Variants in CACNA1G observed in about 807,000 individuals in gnomAD.
CACNA1G encodes the protein voltage-dependent T-type calcium channel subunit alpha-1G.
Under a neutral mutation model 219.4 loss-of-function variants are expected in CACNA1G, and 67 were observed. The ratio of observed to expected loss-of-function variants is 0.31; its 90% CI spans 0.25 to 0.37. The LOEUF (loss-of-function observed/expected upper bound fraction) is 0.37. Ranked by LOEUF, CACNA1G falls within the 10% of genes least tolerant of loss-of-function variation. The pLI is 1.00. For missense variants in CACNA1G, 2,380 were observed against 3,231.4 expected (o/e 0.74, Z 6.39); for synonymous variants, 1,296 against 1,345.3 (o/e 0.96, Z 0.80).
chr17:50,570,243 C>G (rs1567967064), intron 4 of CACNA1G, among the ~76,000 whole-genome samples: 1 of 152,218 alleles, frequency 6.6e-6, no homozygotes, highest in Non-Finnish European at 1.5e-5. Context: ...CAAGACAAGG[C>G]CACTCCATGT....
At position 50,606,926 on chromosome 17, in the gene CACNA1G, C is replaced by G; in HGVS notation, c.4449C>G (p.Ala1483=). ...GQALMSLFVL[A]SKDGWVDIMY... is the part of the protein sequence containing the mutation. ...CCCTGATGTCCCTGTTCGTTTTGGC[C>G]TCCAAGGATGGTTGGGTGGACATCA... The change falls in exon 24 of 38, where the codon GCC becomes GCG. Residue 1483 remains alanine (A), a synonymous_variant. Transcript: ENST00000359106. 6.2e-7 allele frequency: 1 copy of G among 1,613,946 alleles called. No individual in the cohort carries two copies.
chr17:50,576,070 C>T lies in CACNA1G; in HGVS notation c.1668C>T (p.Phe556=), dbSNP rs1441238392. ...PPGGAESVHS[F]YHADCHLEPV... ...GTGGCGCAGAGTCTGTGCACAGCTT[C>T]TACCATGCCGACTGCCACTTAGAGC... is the stretch of plus-strand genomic sequence containing the variant. Residue 556 remains phenylalanine (F), a synonymous_variant, in exon 8 of 38, where the codon TTC becomes TTT. Transcript: ENST00000359106. 6.3e-7 allele frequency: 1 copy of T among 1,586,052 alleles called. No individual in the cohort carries two copies. Among genetic ancestry groups the T allele is most frequent in the Non-Finnish European group, 8.6e-7 (1 of 1,167,446 alleles).
At position 50,578,077 on chromosome 17, in the gene CACNA1G, C is replaced by A; in HGVS notation, c.1925-111C>A. The A allele has an allele frequency of 7.6e-7, 1 of 1,319,950 alleles. No homozygotes were observed. The highest frequency in any genetic ancestry group is 2.5e-5 in the Admixed American group (1 of 40,432). 81.8% of individuals were successfully genotyped at this position (1,319,950 alleles called of 1,614,324 possible). A position where few individuals can be genotyped will look rare whatever the true frequency, so the allele number is the denominator to read the frequency against. ...CCTGGCCCACTAAGTGCCTAGCACC[C>A]CATCACTGTAACAACCCCAGACTCC... On this transcript the variant is annotated intron_variant, in intron 8 of 37. Transcript: ENST00000359106. This position sits in a 1 kb window ranked among gnomAD's most constrained non-coding sequence, Gnocchi z 4.5.
At chr17:50,624,557 G>T in intron 37 of CACNA1G, 28 bp downstream of exon 37, 4 of 1,547,508 alleles carry the variant, frequency 2.6e-6, no homozygotes. Flanking sequence ...GGCAGGCACA[G>T]GCCTGGGGGC....
chr17:50,609,827 C>T (rs1287685154), intron 25 of CACNA1G, 55 bp from the exon 26 acceptor site: 1 of 1,552,668 alleles, frequency 6.4e-7, no homozygotes, highest in Non-Finnish European at 8.8e-7. Flanking sequence ...CCTGAGGGGC[C>T]CTGCCCAGCG....
chr17:50,601,271 TCA>T (rs1196129641), intron 19 of CACNA1G, 97 bp downstream of exon 19: 1 of 1,465,794 alleles, frequency 6.8e-7, no homozygotes, highest in Non-Finnish European at 9.3e-7. Flanking sequence ...GACCTGCAAG[TCA>T]CACAGCAGGG....
intron 1 of CACNA1G, among the ~76,000 whole-genome samples, chr17:50,566,200 C>T (rs116729193): frequency 2.4e-3 from 360 of 152,276 alleles, no homozygotes; most frequent in African/African-American, 8.4e-3. Flanking sequence ...AAATCCACAC[C>T]ACCTGGTGAC....
intron 7 of CACNA1G, among the ~76,000 whole-genome samples, chr17:50,574,070 G>T (rs1203519059): frequency 6.6e-6 from 1 of 152,138 alleles, no homozygotes; most frequent in East Asian, 1.9e-4. Context: ...TTTAATCCTC[G>T]TCGTCCCCTG....
At chr17:50,570,400 C>A (rs1041412929) in intron 4 of CACNA1G, among the ~76,000 whole-genome samples, 1 of 152,148 alleles carries the variant, frequency 6.6e-6, no homozygotes, top group Non-Finnish European at 1.5e-5. Context: ...CATACTGCCC[C>A]CTCCCTTTGC....
chr17:50,611,778 C>T (rs1189641023), intron 26 of CACNA1G, among the ~76,000 whole-genome samples: 2 of 152,180 alleles, frequency 1.3e-5, no homozygotes, highest in African/African-American at 4.8e-5. Context: ...GACTTTTCCA[C>T]CTTGGGTGTT....
Position 50,591,541 on chromosome 17 carries a change from C to G in CACNA1G, c.2560C>G (p.Gln854Glu). ...LVRFLPALQR[Q>E]LVVLMKTMDN... ...GCGCTTCCTGCCGGCGCTGCAGCGG[C>G]AGCTGGTGGTGCTCATGAAGACCAT... The change falls in exon 11 of 38, where the codon CAG becomes GAG. Residue 854 changes from glutamine (Q) to glutamate (E), a missense_variant. By Grantham distance (29) the Gln-to-Glu change is conservative. Transcript: ENST00000359106. 6.2e-7 allele frequency: 1 copy of G among 1,612,456 alleles called. No individual in the cohort carries two copies. Among genetic ancestry groups the G allele is most frequent in the Non-Finnish European group, 8.5e-7 (1 of 1,179,452 alleles).
chr17:50,610,298 G>T (rs1429238212), intron 26 of CACNA1G, among the ~76,000 whole-genome samples: 1 of 152,206 alleles, frequency 6.6e-6, no homozygotes, highest in Non-Finnish European at 1.5e-5. Context: ...TCTGAGGGGA[G>T]ACTTTGATCC....
chr17:50,606,051 G>A (rs768546713), intron 23 of CACNA1G, 28 bp downstream of exon 23: 2 of 1,613,884 alleles, frequency 1.2e-6, no homozygotes, highest in African/African-American at 1.3e-5. Flanking sequence ...AGGTGGGGCT[G>A]TGGTGAAGGA....
chr17:50,589,521 G>T (rs906262433), intron 9 of CACNA1G, among the ~76,000 whole-genome samples: 15 of 152,232 alleles, frequency 9.9e-5, no homozygotes, highest in African/African-American at 2.9e-4. Flanking sequence ...TGTTTTTGCA[G>T]CTCCTTTAAT....
rs765191251 is a variant in CACNA1G, at chr17:50,578,304, G to A, written c.2041G>A (p.Ala681Thr). Residue 681 changes from alanine (A) to threonine (T), a missense_variant, in exon 9 of 38, where the codon GCC becomes ACC. Transcript: ENST00000359106. This position sits in a 1 kb window ranked among gnomAD's most constrained non-coding sequence, Gnocchi z 4.5. ...ARAGAGEVEL[A>T]DREMPDSDSE... The stretch of plus-strand genomic sequence containing the variant: ...GGCCGGGGCAGGGGAGGTGGAGCTC[G>A]CCGACCGTGAAATGCCTGACTCAGA... 1.6e-5 allele frequency: 26 copies of A among 1,613,006 alleles called. No individual in the cohort carries two copies. The highest frequency in any genetic ancestry group is 6.7e-5 in the East Asian group (3 of 44,894).
chr17:50,616,479 T>C, intron 28 of CACNA1G, 95 bp downstream of exon 28: 1 of 715,682 alleles, frequency 1.4e-6, no homozygotes, highest in South Asian at 2.0e-5. Context: ...TGTCTAAGAC[T>C]TTTCTTAATT....
Position 50,615,452 on chromosome 17 carries a change from C to T in CACNA1G, c.4851C>T (p.Ile1617=), listed in dbSNP as rs1432925645. Residue 1617 remains isoleucine, a synonymous_variant, in exon 27 of 38, where the codon ATC becomes ATT. Coordinates refer to ENST00000359106, the MANE Select transcript of CACNA1G (RefSeq NM_018896.5). ...LCTSHYLDLF[I]TGVIGLNVVT... is the part of the protein sequence containing the mutation. ...CCAGCCACTACCTGGACCTCTTCAT[C>T]ACAGGTGTCATCGGGCTGAACGTGG... 6.2e-7 allele frequency: 1 copy of T among 1,613,862 alleles called. No individual in the cohort carries two copies. The highest frequency in any genetic ancestry group is 8.5e-7 in the Non-Finnish European group (1 of 1,179,762).
intron 34 of CACNA1G, among the ~76,000 whole-genome samples, 175 bp downstream of exon 34, chr17:50,620,001 C>T (rs2051426614): frequency 6.6e-6 from 1 of 152,172 alleles, no homozygotes; most frequent in African/African-American, 2.4e-5. Flanking sequence ...AGACTGAGAT[C>T]ACCTCCAGAA....
In CACNA1G at chr17:50,569,166, C is replaced by A. The variant is rs751701435; in HGVS notation, c.356C>A (p.Ala119Asp). 2 of 1,613,530 alleles carry A rather than the reference C, an allele frequency of 1.2e-6. No individual in the cohort carries two copies. Among genetic ancestry groups the A allele is most frequent in the Admixed American group, 1.7e-5 (1 of 59,980 alleles). The change falls in exon 3 of 38, where the codon GCC becomes GAC. Residue 119 changes from alanine to aspartate, a missense_variant and splice_region_variant. Ala to Asp is a moderately radical substitution (Grantham distance 126, BLOSUM62 -2). Around this residue, in one of 17 missense-constraint regions of CACNA1G, gnomAD observed 64 missense variants for 103.7 expected, o/e 0.62. Transcript: ENST00000359106. ...CDSQRCRILQ[A>D]FDDFIFAFFA... is the part of the protein sequence containing the mutation. ...AGCCACCTCTTGTCCCCACATCAGG[C>A]CTTTGATGACTTCATCTTTGCCTTC...
Sources: allele counts gnomAD v4.1 joint callset (sites outside exome capture counted in the v4.1 genomes callset), GRCh38; gene constraint gnomAD v4.1.1; regional missense constraint gnomAD v4.1.1; non-coding constraint Gnocchi (gnomAD v3.1); transcripts MANE v1.5; gene names NCBI Gene and HGNC (gene_info 2026-07-23, HGNC 2026-07-21).